The following EPB41L3 variants were observed in gnomAD, a reference collection of about 807,000 sequenced individuals.
EPB41L3 encodes erythrocyte membrane protein band 4.1 like 3, also known as band 4.1-like protein 3.
EPB41L3 carries 57 observed loss-of-function variants against 127.1 expected under a neutral mutation model. The ratio of observed to expected loss-of-function variants is 0.45; its 90% confidence interval spans 0.36 to 0.56. The LOEUF is 0.56. Ranked by LOEUF, EPB41L3 falls within the 20% of genes least tolerant of loss-of-function variation. The probability of loss-of-function intolerance (pLI) is 0.00; values close to 1 mark genes in which losing one functional copy is unlikely to be tolerated. For synonymous variants in EPB41L3, 572 were observed against 549.5 expected (o/e 1.04, Z -0.57); for missense variants, 1,273 against 1,372.2 (o/e 0.93, Z 1.14).
chr18:5,435,160 T>A (rs146977641), intron 6 of EPB41L3, among the ~76,000 whole-genome samples: 56 of 152,312 alleles, frequency 3.7e-4, no homozygotes, highest in African/African-American at 1.3e-3. Context: ...TGATGTGTGT[T>A]TTAAGCTAAG....
chr18:5,396,579 TA>T (rs1337118029), intron 18 of EPB41L3, among the ~76,000 whole-genome samples: 1 of 152,178 alleles, frequency 6.6e-6, no homozygotes. Flanking sequence ...GTTTTCTATT[TA>T]ATAACTTCTT....
intron 3 of EPB41L3, among the ~76,000 whole-genome samples, chr18:5,560,798 GACTT>G (rs1447179173): frequency 1.3e-5 from 2 of 151,940 alleles, no homozygotes; most frequent in African/African-American, 4.8e-5. Context: ...GAGAACGAAG[GACTT>G]ACTACCCTCT....
intron 6 of EPB41L3, among the ~76,000 whole-genome samples, chr18:5,436,563 G>A (rs1035755317): frequency 2.6e-5 from 4 of 151,694 alleles, no homozygotes; most frequent in Admixed American, 6.6e-5. Flanking sequence ...CGCCCGCCAC[G>A]ATGCCCGGCT....
chr18:5,464,063 T>C (rs1240374247), intron 3 of EPB41L3, among the ~76,000 whole-genome samples: 3 of 152,142 alleles, frequency 2.0e-5, no homozygotes, highest in Admixed American at 2.0e-4. Flanking sequence ...TTCCTGCCCA[T>C]GGTGTTTCAA....
chr18:5,472,803 G>A (rs1211406732), intron 3 of EPB41L3, among the ~76,000 whole-genome samples: 1 of 152,144 alleles, frequency 6.6e-6, no homozygotes, highest in Non-Finnish European at 1.5e-5. Context: ...ACAATTAACT[G>A]AATCACAGGC....
intron 1 of EPB41L3, among the ~76,000 whole-genome samples, chr18:5,507,481 T>C (rs913018136): frequency 6.6e-6 from 1 of 152,216 alleles, no homozygotes; most frequent in African/African-American, 2.4e-5. Context: ...TGATGACATC[T>C]AACAGATTAT....
At chr18:5,595,944 G>T (rs1168472953) in intron 3 of EPB41L3, among the ~76,000 whole-genome samples, 3 of 151,946 alleles carry the variant, frequency 2.0e-5, no homozygotes. Context: ...ACATTCTCTG[G>T]GGAATCTTTA....
rs769504445 is a variant in EPB41L3 at position 5,434,085 on chromosome 18, C to T, written c.642G>A (p.Val214=). ...YLCLQLRDDI[V]SGRLPCSFVT... is the part of the protein sequence containing the mutation. ...CAAAGGAGCAGGGCAGCCTTCCGGA[C>T]ACGATGTCATCTCGCAACTGCAAGC... Residue 214 remains valine (V), a synonymous_variant, in exon 7 of 23, where the codon GTG becomes GTA. Coordinates refer to ENST00000341928, the MANE Select transcript of EPB41L3 (RefSeq NM_012307.5). The T allele has an allele frequency of 1.2e-6, 2 of 1,613,990 alleles. No individual in the cohort carries two copies. The highest frequency in any genetic ancestry group is 2.7e-5 in the African/African-American group (2 of 74,890).
chr18:5,541,905 T>C (rs923669069), intron 1 of EPB41L3, among the ~76,000 whole-genome samples: 46 of 152,226 alleles, frequency 3.0e-4, no homozygotes, highest in Admixed American at 2.9e-3. Flanking sequence ...GAAAAACTTA[T>C]TTTGGCTAAA....
chr18:5,411,000 A>G (rs551155270), intron 13 of EPB41L3, among the ~76,000 whole-genome samples: 81 of 152,360 alleles, frequency 5.3e-4, no homozygotes, highest in African/African-American at 1.5e-3. Flanking sequence ...TGATGTTTAT[A>G]TATATTTTAT....
intron 2 of EPB41L3, among the ~76,000 whole-genome samples, chr18:5,485,712 A>C (rs1360353841): frequency 2.0e-5 from 3 of 152,078 alleles, no homozygotes; most frequent in African/African-American, 7.2e-5. Flanking sequence ...CTATCTGAAA[A>C]AGATATCAAG....
chr18:5,533,675 A>G (rs1005510571), intron 1 of EPB41L3, among the ~76,000 whole-genome samples: 2 of 152,188 alleles, frequency 1.3e-5, no homozygotes, highest in Non-Finnish European at 2.9e-5. Flanking sequence ...CAAAGCAAGA[A>G]AATTAACCCC....
chr18:5,558,148 C>A (rs903754963), intron 3 of EPB41L3, among the ~76,000 whole-genome samples: 15 of 152,212 alleles, frequency 9.9e-5, no homozygotes, highest in Non-Finnish European at 1.6e-4. Context: ...TAAGTGACTT[C>A]TCTGAGGTCA....
intron 2 of EPB41L3, among the ~76,000 whole-genome samples, chr18:5,482,464 CT>C (rs1713057442): frequency 6.6e-6 from 1 of 152,172 alleles, no homozygotes; most frequent in Non-Finnish European, 1.5e-5. Flanking sequence ...TCACAGGAAA[CT>C]TTCCAAAACT....
intron 6 of EPB41L3, among the ~76,000 whole-genome samples, chr18:5,436,194 C>T (rs1457115581): frequency 6.6e-6 from 1 of 152,062 alleles, no homozygotes; most frequent in East Asian, 1.9e-4. Flanking sequence ...GAACAAAGCA[C>T]ACCTGGTACC....
chr18:5,506,859 A>G (rs1306219511), intron 1 of EPB41L3, among the ~76,000 whole-genome samples: 1 of 152,212 alleles, frequency 6.6e-6, no homozygotes, highest in East Asian at 1.9e-4. Flanking sequence ...ATCCTTAAAA[A>G]GATAGTTTTA....
intron 22 of EPB41L3, chr18:5,393,740 G>A (rs1213772827): frequency 2.8e-6 from 1 of 360,982 alleles, no homozygotes; most frequent in African/African-American, 2.1e-5. Context: ...AGTAAAATGA[G>A]TATTTTTTAT....
At chr18:5,459,893 TTC>T in intron 3 of EPB41L3, among the ~76,000 whole-genome samples, 1 of 152,232 alleles carries the variant, frequency 6.6e-6, no homozygotes, top group Non-Finnish European at 1.5e-5. Flanking sequence ...ACTTTTAAAT[TTC>T]TCTTTTATTT....
chr18:5,459,187 A>C (rs1447685311), intron 3 of EPB41L3, among the ~76,000 whole-genome samples: 2 of 152,086 alleles, frequency 1.3e-5, no homozygotes, highest in Non-Finnish European at 2.9e-5. Context: ...AGTCCCAACG[A>C]CTCAAGCGGC....
Sources: gnomAD v4.1 joint callset for allele counts (sites outside exome capture counted in the v4.1 genomes callset) on GRCh38, gnomAD v4.1.1 for gene constraint, MANE v1.5 for transcripts, NCBI Gene and HGNC (gene_info 2026-07-23, HGNC 2026-07-21) for gene names.